Variants in NECAP2 observed in about 807,000 individuals in gnomAD.
NECAP2 encodes NECAP endocytosis associated 2.
NECAP2 carries 38 observed loss-of-function variants against 37.8 expected under a neutral mutation model. The observed-to-expected ratio is 1.01, with a 90% CI of 0.78 to 1.32. NECAP2 has a LOEUF of 1.32. Among genes scored for constraint, NECAP2 ranks in the 40% most tolerant of loss-of-function variants. NECAP2 has a pLI of 0.00. For missense variants in NECAP2, 316 were observed against 334.5 expected (o/e 0.94, Z 0.43); for synonymous variants, 121 against 127.7 (o/e 0.95, Z 0.35).
Position 16,455,963 on chromosome 1 carries a change from A to C in NECAP2, c.743+70A>C. The C allele has an allele frequency of 4.6e-6, 5 of 1,096,198 alleles. No homozygotes were observed. The South Asian group carries it at 6.3e-5, about 14-fold the overall frequency. The allele number at this position is 1,096,198 out of a possible 1,614,324, so 67.9% of individuals were successfully genotyped here. A position where few individuals can be genotyped will look rare whatever the true frequency, so the allele number is the denominator to read the frequency against. On this transcript the variant is annotated intron_variant, in intron 7 of 7. Transcript: ENST00000337132. ...TGCTCTACAAACCTGGTATTGTTCCACATGCCTGCCTTCTGGTGTTAGGAT... is the reference window on the plus strand; with the variant it reads ...TGCTCTACAAACCTGGTATTGTTCCCCATGCCTGCCTTCTGGTGTTAGGAT...
In NECAP2 at chr1:16,448,099, G is replaced by T. The variant is rs74798882; in HGVS notation, c.338G>T (p.Gly113Val). The T allele has an allele frequency of 6.2e-7, 1 of 1,614,184 alleles. No individual in the cohort carries two copies. The highest frequency in any genetic ancestry group is 8.5e-7 in the Non-Finnish European group (1 of 1,180,038). ...AFIGIGFGDR[G>V]DAFDFNVALQ... The stretch of plus-strand genomic sequence containing the variant: ...ATTGGAATTGGCTTCGGGGACCGAG[G>T]TGATGCCTTTGACTTCAATGTTGCA... Residue 113 changes from glycine to valine, a missense_variant, in exon 4 of 8, where the codon GGT becomes GTT. Gly to Val is a moderately radical substitution (Grantham distance 109, BLOSUM62 -3). Around this residue, in one of 3 missense-constraint regions of NECAP2, gnomAD observed 204 missense variants for 188.6 expected, o/e 1.08. Transcript: ENST00000337132.
At position 16,459,189 on chromosome 1, in the gene NECAP2, C is replaced by G; in HGVS notation, c.*299C>G. ...TCTGAGACTTCTTCCATCGCAATGA[C>G]CTGTATTAAACACAAGCCCCCCAAG... On this transcript the variant is annotated 3_prime_UTR_variant, in exon 8 of 8. Coordinates refer to ENST00000337132, the MANE Select transcript of NECAP2 (RefSeq NM_018090.5). 1 of 541,244 alleles carries G rather than the reference C, an allele frequency of 1.8e-6. No individual in the cohort carries two copies. The highest frequency in any genetic ancestry group is 1.9e-5 in the African/African-American group (1 of 52,442). 33.5% of individuals were successfully genotyped at this position (541,244 alleles called of 1,614,324 possible).
intron 2 of NECAP2, among the ~76,000 whole-genome samples, chr1:16,445,917 CA>C (rs373485132): frequency 6.7e-6 from 1 of 150,214 alleles, no homozygotes; most frequent in Non-Finnish European, 1.5e-5. Context: ...GAAAAGAAAA[CA>C]AAAAAAAGGC....
At chr1:16,451,322 C>T (rs76291869) in intron 5 of NECAP2, 2,601 of 153,458 alleles carry the variant, frequency 0.017, 79 homozygotes, top group African/African-American at 0.06. Flanking sequence ...GGGGCGATTA[C>T]AAATAATGCT....
chr1:16,452,042 A>G, intron 6 of NECAP2, 27 bp downstream of exon 6: 1 of 1,535,908 alleles, frequency 6.5e-7, no homozygotes, highest in Non-Finnish European at 8.7e-7. Flanking sequence ...TGACTGCTGC[A>G]TCAGTACCTG....
chr1:16,451,698 A>G (rs906830881), intron 5 of NECAP2, 140 bp from the exon 6 acceptor site: 9 of 765,852 alleles, frequency 1.2e-5, no homozygotes, highest in African/African-American at 3.5e-5. Flanking sequence ...GCTCATAGCA[A>G]TGGAGGTGCT....
chr1:16,450,523 C>A (rs2086826829), intron 5 of NECAP2: 1 of 161,148 alleles, frequency 6.2e-6, no homozygotes, highest in Non-Finnish European at 1.4e-5. Context: ...TTATCTTCAT[C>A]TGTGTAACTT....
rs182461295 is a variant in NECAP2, at chr1:16,444,812, C to T, written c.193+1080C>T. 4.5e-4 allele frequency among the ~76,000 whole-genome samples: 68 copies of T among 152,234 alleles called. 1 individual carries two copies. The highest frequency in any genetic ancestry group is 6.8e-3 in the Middle Eastern group (2 of 294). ...CGTTCTCTGAGGAATTTGGTAACTG[C>T]GACTTTATTTTAAAAAATCATTTGT... is the stretch of plus-strand genomic sequence containing the variant. On this transcript the variant is annotated intron_variant, in intron 2 of 7. Coordinates refer to ENST00000337132, the MANE Select transcript of NECAP2 (RefSeq NM_018090.5).
intron 7 of NECAP2, among the ~76,000 whole-genome samples, chr1:16,457,381 C>T (rs558717500): frequency 3.3e-5 from 5 of 152,090 alleles, no homozygotes; most frequent in African/African-American, 4.8e-5. Flanking sequence ...TGCTTGAACC[C>T]GGGAGATTGC....
chr1:16,450,164 C>T (rs1570265330), intron 5 of NECAP2: 2 of 455,210 alleles, frequency 4.4e-6, no homozygotes, highest in South Asian at 1.6e-5. Flanking sequence ...CAAGTCCAAT[C>T]CAGTGGACTG....
intron 5 of NECAP2, chr1:16,450,119 T>C (rs1438548630): frequency 4.5e-6 from 2 of 445,016 alleles, no homozygotes; most frequent in African/African-American, 2.0e-5. Context: ...TTTGGGATCC[T>C]TGAAGTTGGC....
intron 5 of NECAP2, chr1:16,450,057 T>C: frequency 2.5e-6 from 1 of 393,614 alleles, no homozygotes; most frequent in Non-Finnish European, 5.1e-6. Context: ...AAAATAATGC[T>C]TTTCCTCTTT....
intron 4 of NECAP2, 83 bp downstream of exon 4, chr1:16,448,224 T>C: frequency 7.6e-7 from 1 of 1,323,722 alleles, no homozygotes; most frequent in Non-Finnish European, 1.1e-6. Flanking sequence ...GATACCCAAG[T>C]GTTTGTGTGT....
intron 5 of NECAP2, chr1:16,449,992 T>C: frequency 3.3e-6 from 1 of 306,368 alleles, no homozygotes; most frequent in South Asian, 2.6e-5. Context: ...TTTTTGTTTT[T>C]GCTAGGAATA....
chr1:16,449,232 C>T (rs771358283), intron 5 of NECAP2, 31 bp downstream of exon 5: 25 of 1,515,862 alleles, frequency 1.6e-5, no homozygotes, highest in Admixed American at 5.5e-5. Flanking sequence ...GCTGTGGTGA[C>T]GTGATACTTG....
intron 2 of NECAP2, 41 bp downstream of exon 2, chr1:16,443,773 C>G (rs1271714160): frequency 6.7e-7 from 1 of 1,500,022 alleles, no homozygotes; most frequent in Admixed American, 1.8e-5. Flanking sequence ...GGGGCCGCAC[C>G]CCACTTTATG....
At chr1:16,455,774 TC>T (rs2086907867) in intron 6 of NECAP2, 43 bp from the exon 7 acceptor site, 4 of 1,497,966 alleles carry the variant, frequency 2.7e-6, no homozygotes, top group Middle Eastern at 1.7e-4. Flanking sequence ...GACTTCTCTG[TC>T]CCCTCTTCTC....
At chr1:16,457,702 A>G (rs749408158) in intron 7 of NECAP2, among the ~76,000 whole-genome samples, 5 of 140,388 alleles carry the variant, frequency 3.6e-5, no homozygotes, top group Admixed American at 1.4e-4. Context: ...AAATATAGTA[A>G]TTCTGTTTTT....
chr1:16,457,076 G>C (rs1183355383), intron 7 of NECAP2, among the ~76,000 whole-genome samples: 1 of 152,168 alleles, frequency 6.6e-6, no homozygotes, highest in African/African-American at 2.4e-5. Context: ...TAGCTACTCA[G>C]TTCTGCTCTT....
Sources: allele counts gnomAD v4.1 joint callset (sites outside exome capture counted in the v4.1 genomes callset), GRCh38; gene constraint gnomAD v4.1.1; regional missense constraint gnomAD v4.1.1; transcripts MANE v1.5; gene names NCBI Gene and HGNC (gene_info 2026-07-23, HGNC 2026-07-21).